KIAA0825: variants seen among roughly 807,000 people sequenced by gnomAD.
KIAA0825 encodes uncharacterized protein KIAA0825.
A neutral mutation model predicts 147.6 loss-of-function variants in KIAA0825; 119 were observed. The ratio of observed to expected loss-of-function variants is 0.81; its 90% CI spans 0.69 to 0.94. The LOEUF (loss-of-function observed/expected upper bound fraction) is 0.94, where lower values mean the gene tolerates loss of function less well. KIAA0825 is among the 40% of genes least tolerant of loss of function. KIAA0825 has a pLI of 0.00. For synonymous variants in KIAA0825, 470 were observed against 518.1 expected (o/e 0.91, Z 1.26); for missense variants, 1,381 against 1,472.7 (o/e 0.94, Z 1.02).
chr5:94,595,503 C>G (rs1040181758), intron 1 of KIAA0825, among the ~76,000 whole-genome samples: 16 of 152,140 alleles, frequency 1.1e-4, no homozygotes, highest in Non-Finnish European at 1.5e-5. Flanking sequence ...CCATTTTTTC[C>G]TCCTAGGCTT....
chr5:94,569,600 C>T, intron 2 of KIAA0825: 1 of 393,570 alleles, frequency 2.5e-6, no homozygotes, highest in Non-Finnish European at 4.7e-6. Flanking sequence ...ATTTATTGAT[C>T]TCCCCACTCC....
intron 14 of KIAA0825, among the ~76,000 whole-genome samples, chr5:94,430,459 A>G (rs956758229): frequency 6.6e-6 from 1 of 152,210 alleles, no homozygotes; most frequent in Non-Finnish European, 1.5e-5. Flanking sequence ...AAAACAATAG[A>G]CTTTCAAGAA....
intron 20 of KIAA0825, among the ~76,000 whole-genome samples, chr5:94,181,909 C>G (rs1769651508): frequency 2.0e-5 from 3 of 152,178 alleles, no homozygotes; most frequent in Non-Finnish European, 4.4e-5. Context: ...CTTCTCTCCT[C>G]TCTCTGCCTT....
intron 17 of KIAA0825, among the ~76,000 whole-genome samples, chr5:94,392,508 T>C (rs576034620): frequency 6.6e-6 from 1 of 152,362 alleles, no homozygotes; most frequent in East Asian, 1.9e-4. Flanking sequence ...CAAAAAATTA[T>C]GATATTCAAT....
intron 2 of KIAA0825, among the ~76,000 whole-genome samples, chr5:94,543,359 C>T (rs1561291357): frequency 6.6e-6 from 1 of 152,140 alleles, no homozygotes; most frequent in Non-Finnish European, 1.5e-5. Flanking sequence ...AGGAGAATTG[C>T]TTGAGCCCAG....
intron 3 of KIAA0825, among the ~76,000 whole-genome samples, chr5:94,529,828 A>C (rs186145837): frequency 8.8e-4 from 134 of 152,354 alleles, no homozygotes; most frequent in African/African-American, 3.1e-3. Flanking sequence ...AACAAATGCA[A>C]TAAATACCTA....
chr5:94,605,035 C>T (rs1323792217), intron 1 of KIAA0825, among the ~76,000 whole-genome samples: 1 of 141,344 alleles, frequency 7.1e-6, no homozygotes, highest in East Asian at 1.9e-4. Context: ...GGGAAGATTA[C>T]AAACACAATC....
intron 1 of KIAA0825, among the ~76,000 whole-genome samples, chr5:94,610,839 A>G (rs1015592315): frequency 1.3e-4 from 19 of 149,406 alleles, no homozygotes; most frequent in Non-Finnish European, 2.7e-4. Context: ...GTCATGACAC[A>G]GTGAAGCACA....
At chr5:94,181,074 T>C (rs527403125) in intron 20 of KIAA0825, among the ~76,000 whole-genome samples, 60 of 152,216 alleles carry the variant, frequency 3.9e-4, no homozygotes, top group Non-Finnish European at 7.1e-4. Context: ...TACTGGGTAA[T>C]TTAAAGAGAT....
At chr5:94,571,819 GT>G (rs1188528377) in intron 2 of KIAA0825, among the ~76,000 whole-genome samples, 5 of 152,062 alleles carry the variant, frequency 3.3e-5, no homozygotes, top group African/African-American at 9.7e-5. Context: ...CTGATATTTT[GT>G]TTTGTTATCA....
chr5:94,610,644 G>C, intron 1 of KIAA0825, among the ~76,000 whole-genome samples: 1 of 144,132 alleles, frequency 6.9e-6, no homozygotes, highest in South Asian at 2.2e-4. Context: ...TGTGCCTGTA[G>C]TCCCAGCTAC....
intron 15 of KIAA0825, 106 bp from the exon 16 acceptor site, chr5:94,403,899 A>G (rs745794735): frequency 5.1e-5 from 45 of 884,326 alleles, no homozygotes; most frequent in Non-Finnish European, 7.4e-5. Context: ...AGCTATAGGA[A>G]AGGAGAGCTG....
intron 18 of KIAA0825, 31 bp from the exon 19 acceptor site, chr5:94,386,435 G>A (rs755874011): frequency 1.5e-5 from 23 of 1,515,060 alleles, no homozygotes; most frequent in South Asian, 8.6e-5. Flanking sequence ...AAGTTGTGAC[G>A]GTGAGAAGCA....
At chr5:94,576,364 G>A (rs141290299) in intron 2 of KIAA0825, among the ~76,000 whole-genome samples, 4 of 152,146 alleles carry the variant, frequency 2.6e-5, no homozygotes, top group Non-Finnish European at 1.5e-5. Flanking sequence ...ATTGGGTCAT[G>A]AGAGCAAAGC....
chr5:94,245,743 G>A (rs1775572193), intron 20 of KIAA0825, among the ~76,000 whole-genome samples: 1 of 152,102 alleles, frequency 6.6e-6, no homozygotes, highest in African/African-American at 2.4e-5. Context: ...TGACTAAAGT[G>A]ACATATGATG....
chr5:94,579,522 G>A (rs1304346874), intron 2 of KIAA0825, among the ~76,000 whole-genome samples: 1 of 152,142 alleles, frequency 6.6e-6, no homozygotes, highest in Non-Finnish European at 1.5e-5. Context: ...TCTTTTCCAG[G>A]CAGTCACAAG....
intron 1 of KIAA0825, among the ~76,000 whole-genome samples, chr5:94,591,037 A>G (rs1231916585): frequency 6.6e-6 from 1 of 152,210 alleles, no homozygotes; most frequent in Admixed American, 6.6e-5. Context: ...CTCAAGCAGC[A>G]TACATTTTCC....
intron 20 of KIAA0825, among the ~76,000 whole-genome samples, chr5:94,192,204 C>T (rs1195454120): frequency 6.6e-6 from 1 of 152,138 alleles, no homozygotes; most frequent in African/African-American, 2.4e-5. Flanking sequence ...TGTGTGTTTT[C>T]CAAAACTAAT....
chr5:94,553,072 C>T (rs2152264507), intron 2 of KIAA0825, among the ~76,000 whole-genome samples: 1 of 152,272 alleles, frequency 6.6e-6, no homozygotes, highest in Admixed American at 6.5e-5. Flanking sequence ...CGACTAATTA[C>T]TCTGATTTGA....
Sources: allele counts gnomAD v4.1 joint callset (sites outside exome capture counted in the v4.1 genomes callset), GRCh38; gene constraint gnomAD v4.1.1; transcripts MANE v1.5; gene names NCBI Gene and HGNC (gene_info 2026-07-23, HGNC 2026-07-21).